Variants in PTPRD observed in about 807,000 individuals in gnomAD.
The protein encoded by PTPRD is protein tyrosine phosphatase receptor type D.
PTPRD carries 34 observed loss-of-function variants against 214.5 expected under a neutral mutation model. The observed-to-expected ratio is 0.16, with a 90% CI of 0.12 to 0.21. PTPRD has a LOEUF of 0.21. PTPRD is among the 10% of genes least tolerant of loss of function. The pLI, the probability that PTPRD is intolerant of heterozygous loss-of-function variation, is 1.00. For synonymous variants in PTPRD, 1,128 were observed against 845.7 expected (o/e 1.33, Z -5.79); for missense variants, 2,545 against 2,398.7 (o/e 1.06, Z -1.27).
intron 9 of PTPRD, among the ~76,000 whole-genome samples, chr9:9,243,371 C>T (rs977540567): frequency 1.3e-5 from 2 of 152,148 alleles, no homozygotes; most frequent in African/African-American, 4.8e-5. Flanking sequence ...CCCTGATGAA[C>T]ATTGATGCAA....
chr9:9,226,770 C>G (rs1167928201), intron 9 of PTPRD, among the ~76,000 whole-genome samples: 2 of 151,986 alleles, frequency 1.3e-5, no homozygotes. Context: ...TCTAACTATT[C>G]TGGTTATCAT....
intron 8 of PTPRD, among the ~76,000 whole-genome samples, chr9:9,430,051 G>A (rs1260314672): frequency 1.3e-5 from 2 of 152,144 alleles, no homozygotes; most frequent in Admixed American, 6.5e-5. Flanking sequence ...GTTCTGGCCA[G>A]GGCAATCAGG....
intron 30 of PTPRD, among the ~76,000 whole-genome samples, chr9:8,478,979 C>G (rs1451866234): frequency 6.6e-6 from 1 of 152,146 alleles, no homozygotes; most frequent in Non-Finnish European, 1.5e-5. Context: ...AAATAGGAAG[C>G]ATTTTTCTGG....
intron 21 of PTPRD, among the ~76,000 whole-genome samples, chr9:8,515,932 C>T (rs1190316451): frequency 6.6e-6 from 1 of 152,048 alleles, no homozygotes; most frequent in African/African-American, 2.4e-5. Flanking sequence ...AACTGAAGTT[C>T]AGAGAGAGAT....
chr9:10,562,013 T>C (rs371274606), intron 2 of PTPRD, among the ~76,000 whole-genome samples: 7 of 152,272 alleles, frequency 4.6e-5, no homozygotes, highest in African/African-American at 1.7e-4. Flanking sequence ...GCTACATTTG[T>C]AAGTAATGAA....
At chr9:10,306,379 A>G (rs2096069550) in intron 3 of PTPRD, among the ~76,000 whole-genome samples, 1 of 152,016 alleles carries the variant, frequency 6.6e-6, no homozygotes, top group South Asian at 2.1e-4. Flanking sequence ...CCTATGTAAC[A>G]AACCTGCATG....
intron 10 of PTPRD, among the ~76,000 whole-genome samples, chr9:9,118,941 G>T (rs2099814907): frequency 6.6e-6 from 1 of 152,116 alleles, no homozygotes; most frequent in Non-Finnish European, 1.5e-5. Context: ...ATTACAAAGG[G>T]AAGTTAGAGG....
chr9:8,347,033 G>A (rs1476999259), intron 39 of PTPRD, among the ~76,000 whole-genome samples: 1 of 152,012 alleles, frequency 6.6e-6, no homozygotes, highest in Non-Finnish European at 1.5e-5. Context: ...AGTGAGCTTG[G>A]TACTCTCTGG....
At chr9:8,968,516 C>T (rs1030185130) in intron 11 of PTPRD, among the ~76,000 whole-genome samples, 3 of 151,942 alleles carry the variant, frequency 2.0e-5, no homozygotes, top group African/African-American at 7.3e-5. Context: ...TGATGATAAG[C>T]ATTTTTTCAT....
chr9:8,564,156 C>A (rs1356175723), intron 14 of PTPRD, among the ~76,000 whole-genome samples: 1 of 1,144 alleles, frequency 8.7e-4, no homozygotes. Context: ...GCAACCAATA[C>A]ACTATATGTA....
chr9:8,693,926 G>C (rs1412121845), intron 12 of PTPRD, among the ~76,000 whole-genome samples: 1 of 152,156 alleles, frequency 6.6e-6, no homozygotes, highest in Non-Finnish European at 1.5e-5. Flanking sequence ...ATGCTAGATT[G>C]AGAAGCACTG....
intron 10 of PTPRD, among the ~76,000 whole-genome samples, chr9:9,146,842 A>G (rs2154485101): frequency 6.6e-6 from 1 of 152,350 alleles, no homozygotes; most frequent in East Asian, 1.9e-4. Flanking sequence ...GTTTATAAAT[A>G]GGTGGACCAT....
At chr9:8,623,738 G>C (rs1313162871) in intron 14 of PTPRD, among the ~76,000 whole-genome samples, 1 of 151,746 alleles carries the variant, frequency 6.6e-6, no homozygotes, top group Non-Finnish European at 1.5e-5. Flanking sequence ...GACAGATGCT[G>C]AAGCTTAGAG....
In PTPRD at chr9:10,179,747, G is replaced by A. The variant is rs539506827; in HGVS notation, c.-544-145957C>T. On this transcript the variant is annotated intron_variant, in intron 3 of 45. Transcript: ENST00000381196. The stretch of plus-strand genomic sequence containing the variant: ...TTAATTTAAAATGAAGTACTGAAGC[G>A]GAGACTAACTTGCCCAGGGTTAGTA... Among the ~76,000 whole-genome samples the A allele has an allele frequency of 1.4e-4, 21 of 152,056 alleles. No individual in the cohort carries two copies. The South Asian group carries it at 3.1e-3, about 23-fold the overall frequency.
At chr9:9,429,473 C>A (rs957645624) in intron 8 of PTPRD, among the ~76,000 whole-genome samples, 2 of 152,070 alleles carry the variant, frequency 1.3e-5, no homozygotes, top group Non-Finnish European at 2.9e-5. Context: ...ATCAGAGGTA[C>A]AAAGAGGAGC....
chr9:10,399,128 G>C (rs1025489234), intron 2 of PTPRD, among the ~76,000 whole-genome samples: 1 of 151,910 alleles, frequency 6.6e-6, no homozygotes, highest in Admixed American at 6.6e-5. Flanking sequence ...TGATTGTTAA[G>C]AAATATGATA....
At chr9:9,709,020 G>C (rs956771303) in intron 7 of PTPRD, among the ~76,000 whole-genome samples, 9 of 151,860 alleles carry the variant, frequency 5.9e-5, no homozygotes, top group African/African-American at 2.2e-4. Context: ...ATCTTTTCAA[G>C]TCTGCAGTCT....
chr9:9,843,343 T>G (rs552988445), intron 5 of PTPRD, among the ~76,000 whole-genome samples: 2 of 152,174 alleles, frequency 1.3e-5, no homozygotes, highest in Admixed American at 1.3e-4. Context: ...AAGGTGCAAA[T>G]GTATCACATT....
At chr9:9,711,670 C>T (rs181187268) in intron 7 of PTPRD, among the ~76,000 whole-genome samples, 8 of 152,256 alleles carry the variant, frequency 5.3e-5, no homozygotes, top group African/African-American at 1.9e-4. Context: ...TCAACAGACA[C>T]TTTTGATGAT....
Sources: allele counts gnomAD v4.1 joint callset (sites outside exome capture counted in the v4.1 genomes callset), GRCh38; gene constraint gnomAD v4.1.1; transcripts MANE v1.5; gene names NCBI Gene and HGNC (gene_info 2026-07-23, HGNC 2026-07-21).